Variants in NELL1 observed in about 807,000 individuals in gnomAD.
NELL1 encodes neural EGFL like 1.
Under a neutral mutation model 107.4 loss-of-function variants are expected in NELL1, and 76 were observed. The ratio of observed to expected loss-of-function variants is 0.71; its 90% confidence interval spans 0.59 to 0.86. The LOEUF (loss-of-function observed/expected upper bound fraction) is 0.86, where lower values mean the gene tolerates loss of function less well. NELL1 is among the 40% of genes least tolerant of loss of function. The pLI is 0.00. For synonymous variants in NELL1, 353 were observed against 341.2 expected, an observed-to-expected ratio of 1.03 and a Z score of -0.38; for missense variants, 1,024 against 1,005.5, an observed-to-expected ratio of 1.02 and a Z score of -0.25.
chr11:21,037,361 A>G (rs950421981), intron 12 of NELL1, among the ~76,000 whole-genome samples: 20 of 151,986 alleles, frequency 1.3e-4, no homozygotes, highest in South Asian at 4.1e-4. Flanking sequence ...ATTTTTTGGA[A>G]ATGGCTATCT....
intron 4 of NELL1, among the ~76,000 whole-genome samples, chr11:20,875,186 A>AT (rs897604724): frequency 6.6e-6 from 1 of 151,934 alleles, no homozygotes; most frequent in Non-Finnish European, 1.5e-5. Flanking sequence ...TTTTATTTTA[A>AT]TTTTTTTAAT....
At chr11:21,116,434 T>A (rs1468304065) in intron 13 of NELL1, among the ~76,000 whole-genome samples, 2 of 152,012 alleles carry the variant, frequency 1.3e-5, no homozygotes, top group East Asian at 3.9e-4. Context: ...AACTCCTAAA[T>A]GTATCGCTCC....
At chr11:21,339,353 A>G (rs886667295) in intron 14 of NELL1, among the ~76,000 whole-genome samples, 1 of 152,192 alleles carries the variant, frequency 6.6e-6, no homozygotes, top group Non-Finnish European at 1.5e-5. Context: ...AGCTAAGAAG[A>G]GTCAAGGAAA....
At chr11:21,215,369 A>C (rs1857591451) in intron 13 of NELL1, among the ~76,000 whole-genome samples, 1 of 152,208 alleles carries the variant, frequency 6.6e-6, no homozygotes. Flanking sequence ...AGTCCCAGCT[A>C]GTTCTTTATT....
At chr11:20,917,226 A>G (rs1850277322) in intron 5 of NELL1, among the ~76,000 whole-genome samples, 1 of 152,018 alleles carries the variant, frequency 6.6e-6, no homozygotes. Flanking sequence ...CAAACACTGC[A>G]TCATCCTTGA....
At chr11:21,239,127 C>T (rs1205017364) in intron 14 of NELL1, among the ~76,000 whole-genome samples, 1 of 151,902 alleles carries the variant, frequency 6.6e-6, no homozygotes, top group Non-Finnish European at 1.5e-5. Flanking sequence ...ATGAAAAATC[C>T]ACTGAAATTT....
intron 12 of NELL1, among the ~76,000 whole-genome samples, chr11:21,019,573 T>C (rs1037981288): frequency 2.0e-4 from 30 of 152,078 alleles, no homozygotes; most frequent in African/African-American, 7.0e-4. Context: ...AGACATTTTT[T>C]CCTGTTTCAA....
At chr11:21,385,714 T>G (rs1469946148) in intron 15 of NELL1, among the ~76,000 whole-genome samples, 1 of 151,958 alleles carries the variant, frequency 6.6e-6, no homozygotes, top group Non-Finnish European at 1.5e-5. Context: ...TGAAAAAACT[T>G]AAATGGTTTC....
chr11:21,225,542 A>G (rs1375103086), intron 13 of NELL1, among the ~76,000 whole-genome samples: 1 of 152,034 alleles, frequency 6.6e-6, no homozygotes, highest in Non-Finnish European at 1.5e-5. Context: ...TAACTTCTCT[A>G]CTGAATCCCA....
chr11:21,122,963 G>A (rs1488690365), intron 13 of NELL1, among the ~76,000 whole-genome samples: 1 of 152,064 alleles, frequency 6.6e-6, no homozygotes, highest in Admixed American at 6.6e-5. Context: ...TTTTTACTTG[G>A]TTATTTTCAG....
chr11:20,787,331 A>T (rs950670615), intron 3 of NELL1, among the ~76,000 whole-genome samples: 1 of 152,136 alleles, frequency 6.6e-6, no homozygotes, highest in African/African-American at 2.4e-5. Flanking sequence ...AATAGAGAAG[A>T]ATATATAATG....
chr11:21,570,751 C>A lies in NELL1; in HGVS notation c.1981-13C>A. On this transcript the variant is annotated splice_polypyrimidine_tract_variant and intron_variant, in intron 17 of 19. Transcript: ENST00000357134. ...CTAAATGATGAAACCTCCTTAACTT[C>A]ATTTCTAAACAGGATGGCAAGATAT... 1 of 1,608,984 alleles carries A rather than the reference C, an allele frequency of 6.2e-7. No homozygotes were observed. The highest frequency in any genetic ancestry group is 1.3e-5 in the African/African-American group (1 of 74,772).
intron 12 of NELL1, among the ~76,000 whole-genome samples, chr11:21,004,863 C>G (rs1852296760): frequency 6.6e-6 from 1 of 152,050 alleles, no homozygotes; most frequent in South Asian, 2.1e-4. Flanking sequence ...TGTTACTAGT[C>G]TGCTAAACCT....
At chr11:21,435,837 A>G (rs559916874) in intron 15 of NELL1, among the ~76,000 whole-genome samples, 1 of 151,232 alleles carries the variant, frequency 6.6e-6, no homozygotes, top group Admixed American at 6.6e-5. Context: ...ATGTTGGTAT[A>G]ATGGTAATGC....
At chr11:21,021,941 A>T (rs1365722195) in intron 12 of NELL1, among the ~76,000 whole-genome samples, 1 of 152,094 alleles carries the variant, frequency 6.6e-6, no homozygotes, top group Non-Finnish European at 1.5e-5. Flanking sequence ...GCCATTGGGC[A>T]TTAATAATTC....
At chr11:20,888,195 G>A (rs2134111314) in intron 5 of NELL1, among the ~76,000 whole-genome samples, 1 of 152,074 alleles carries the variant, frequency 6.6e-6, no homozygotes, top group Middle Eastern at 3.4e-3. Flanking sequence ...TTGTGAAATG[G>A]AAAATATTGT....
intron 2 of NELL1, among the ~76,000 whole-genome samples, chr11:20,726,588 AT>A (rs1012663048): frequency 7.9e-5 from 12 of 151,958 alleles, no homozygotes; most frequent in South Asian, 2.1e-4. Context: ...AATCACCAAT[AT>A]TTTTTTCTTT....
At chr11:21,130,271 GC>G (rs1218928651) in intron 13 of NELL1, among the ~76,000 whole-genome samples, 1 of 152,172 alleles carries the variant, frequency 6.6e-6, no homozygotes, top group Non-Finnish European at 1.5e-5. Flanking sequence ...GGGTTTTACA[GC>G]CTCAGAGACT....
chr11:21,486,349 G>C (rs1854631949), intron 15 of NELL1, among the ~76,000 whole-genome samples: 2 of 152,138 alleles, frequency 1.3e-5, no homozygotes, highest in African/African-American at 4.8e-5. Context: ...AGCCACTGAG[G>C]AAATTGCAGA....
Sources: gnomAD v4.1 joint callset for allele counts (sites outside exome capture counted in the v4.1 genomes callset) on GRCh38, gnomAD v4.1.1 for gene constraint, MANE v1.5 for transcripts, NCBI Gene and HGNC (gene_info 2026-07-23, HGNC 2026-07-21) for gene names.